The following TRIP11 variants were observed in gnomAD, a reference collection of about 807,000 sequenced individuals.
The protein encoded by TRIP11 is thyroid hormone receptor interactor 11.
A neutral mutation model predicts 223.1 loss-of-function variants in TRIP11; 148 were observed. That is an observed-to-expected ratio of 0.66 (90% confidence interval 0.58 to 0.76). The LOEUF is 0.76. Among genes scored for constraint, TRIP11 ranks in the 30% least tolerant of loss-of-function variants. TRIP11 has a pLI of 0.00. For synonymous variants in TRIP11, 762 were observed against 772.6 expected, an observed-to-expected ratio of 0.99 and a Z score of 0.23; for missense variants, 2,043 against 2,222.0, an observed-to-expected ratio of 0.92 and a Z score of 1.62.
rs768844578 is a variant in TRIP11, at chr14:91,974,600, T to A, written c.5574+27A>T. On this transcript the variant is annotated intron_variant, in intron 19 of 20. Coordinates refer to ENST00000267622, the MANE Select transcript of TRIP11 (RefSeq NM_004239.4). ...ATATACAGTCATTTTACTATTCACC[T>A]TAAGCAAGAATAAAATTGTTTCTTA... 3 of 1,543,022 alleles carry A rather than the reference T, an allele frequency of 1.9e-6. 1 individual carries two copies. In the South Asian group the frequency reaches 3.4e-5, roughly 17 times the overall value.
intron 2 of TRIP11, 145 bp downstream of exon 2, chr14:92,033,046 TA>T (rs2057285935): frequency 6.1e-6 from 4 of 650,870 alleles, no homozygotes; most frequent in African/African-American, 1.8e-5. Flanking sequence ...AGAAGGTTGA[TA>T]AAAGCTCAAA....
intron 17 of TRIP11, among the ~76,000 whole-genome samples, chr14:91,975,732 T>C (rs1244329073): frequency 6.6e-6 from 1 of 152,120 alleles, no homozygotes; most frequent in Non-Finnish European, 1.5e-5. Context: ...TGAGCTACTG[T>C]TGCATATATA....
intron 8 of TRIP11, among the ~76,000 whole-genome samples, 188 bp from the exon 9 acceptor site, chr14:92,011,260 G>A (rs890887975): frequency 2.0e-5 from 3 of 152,050 alleles, no homozygotes; most frequent in African/African-American, 7.2e-5. Flanking sequence ...GGGAGGCTGA[G>A]GCAGGCAGAT....
chr14:92,009,511 T>C (rs1421218253), intron 9 of TRIP11, among the ~76,000 whole-genome samples: 1 of 151,450 alleles, frequency 6.6e-6, no homozygotes, highest in African/African-American at 2.4e-5. Context: ...TTCTGCAAAC[T>C]ACAAACGACT....
chr14:92,004,128 T>C lies in TRIP11; in HGVS notation c.3848A>G (p.Asn1283Ser), dbSNP rs1399981995. Residue 1283 changes from asparagine to serine, a missense_variant, in exon 11 of 21, where the codon AAT becomes AGT. By Grantham distance (46) the Asn-to-Ser change is conservative. Transcript: ENST00000267622. ...AACTTGTGCTAATTCCTGCCCAAAA[T>C]TTTTGAGTTTGGTTTCATTCTGCTC... ...SYEQNETKLK[N>S]FGQELAQVQH... The C allele has an allele frequency of 6.2e-7, 1 of 1,614,176 alleles. No homozygotes were observed. Among genetic ancestry groups the C allele is most frequent in the Non-Finnish European group, 8.5e-7 (1 of 1,180,030 alleles).
rs1412079045 is a variant in TRIP11 at position 92,006,382 on chromosome 14, G to A, written c.1594C>T (p.Leu532=). 6.2e-7 allele frequency: 1 copy of A among 1,612,842 alleles called. No homozygotes were observed. Among genetic ancestry groups the A allele is most frequent in the Non-Finnish European group, 8.5e-7 (1 of 1,179,612 alleles). The change falls in exon 11 of 21, where the codon CTG becomes TTG. Residue 532 remains leucine, a synonymous_variant. Transcript: ENST00000267622. ...TTTTCATCATTTAGATCTTGTTTCA[G>A]TTTACTGATGATGCTATCTCCTTCA... ...QNEGDSIISK[L]KQDLNDEKKR...
In TRIP11 at chr14:91,967,134, G is replaced by GTTTTTTTTTTTTT. The variant is rs2056348888; in HGVS notation, c.*2538_*2539insAAAAAAAAAAAAA. ...CACAATGAAAACATTAGGTACTATAGCTTTTTTTTTTTTTTTTTTTTTTTT... is the reference window on the plus strand; with the variant it reads ...CACAATGAAAACATTAGGTACTATAGTTTTTTTTTTTTTCTTTTTTTTTTTTTTTTTTTTTTTT... On this transcript the variant is annotated 3_prime_UTR_variant, in exon 21 of 21. Transcript: ENST00000267622. The GTTTTTTTTTTTTT allele has an allele frequency of 1.8e-5, 2 of 113,822 alleles. No homozygotes were observed. The highest frequency in any genetic ancestry group is 8.3e-5 in the Admixed American group (1 of 12,042). The allele number at this position is 113,822 out of a possible 1,614,324, so 7.1% of individuals were successfully genotyped here. A position where few individuals can be genotyped will look rare whatever the true frequency, so the allele number is the denominator to read the frequency against.
chr14:91,996,201 G>C (rs530127954), intron 13 of TRIP11, among the ~76,000 whole-genome samples: 1 of 152,214 alleles, frequency 6.6e-6, no homozygotes, highest in Admixed American at 6.5e-5. Context: ...CTCTGTTAAT[G>C]TGATCTTTCC....
At chr14:92,026,645 C>A in intron 2 of TRIP11, 3 of 1,161,282 alleles carry the variant, frequency 2.6e-6, no homozygotes, top group Non-Finnish European at 3.9e-6. Context: ...GTGGAAGAGG[C>A]GGAAAATGGA....
chr14:92,010,897 T>C (rs530941834), intron 9 of TRIP11, 89 bp downstream of exon 9: 2 of 1,222,650 alleles, frequency 1.6e-6, no homozygotes, highest in Admixed American at 3.4e-5. Flanking sequence ...GCTCAATTAC[T>C]CAACATTCCA....
intron 4 of TRIP11, 59 bp from the exon 5 acceptor site, chr14:92,017,809 T>C: frequency 7.0e-7 from 1 of 1,429,184 alleles, no homozygotes; most frequent in Non-Finnish European, 9.8e-7. Flanking sequence ...CAACAGAAAG[T>C]CACAAACTAA....
chr14:92,028,487 A>C (rs2140143864), intron 2 of TRIP11, among the ~76,000 whole-genome samples: 1 of 152,286 alleles, frequency 6.6e-6, no homozygotes, highest in African/African-American at 2.4e-5. Context: ...TGAGAGGTCA[A>C]GGCTGCAGGG....
chr14:92,021,322 G>A (rs938653252), intron 4 of TRIP11, among the ~76,000 whole-genome samples: 3 of 150,670 alleles, frequency 2.0e-5, no homozygotes, highest in Admixed American at 6.6e-5. Flanking sequence ...CCAGGAGGCC[G>A]AGGCTGCAGT....
rs184006528 is a variant in TRIP11, at chr14:92,024,106, G to C, written c.312+1204C>G. On this transcript the variant is annotated intron_variant, in intron 3 of 20. Transcript: ENST00000267622. ...TTAAGTTGAACTTGAGGACAGGCAC[G>C]GTGGCTCACGCCTGTAATCCCAACA... Among the ~76,000 whole-genome samples the C allele has an allele frequency of 5.4e-3, 825 of 152,148 alleles. 8 individuals carry two copies. The highest frequency in any genetic ancestry group is 0.018 in the African/African-American group (768 of 41,522).
chr14:91,966,515 T>G lies in TRIP11; in HGVS notation c.*3158A>C, dbSNP rs1338233828. ...CATCACTCTACTGTCCCTGAAGACA[T>G]AGCTTTTCCCCCCATTGATTGGATA... is the stretch of plus-strand genomic sequence containing the variant. On this transcript the variant is annotated 3_prime_UTR_variant, in exon 21 of 21. Coordinates refer to ENST00000267622, the MANE Select transcript of TRIP11 (RefSeq NM_004239.4). 5.1e-6 allele frequency: 1 copy of G among 197,860 alleles called. No homozygotes were observed. Among genetic ancestry groups the G allele is most frequent in the East Asian group, 7.9e-5 (1 of 12,642 alleles). 12.3% of individuals were successfully genotyped at this position (197,860 alleles called of 1,614,324 possible).
chr14:91,997,449 T>A (rs2056765262), intron 13 of TRIP11, among the ~76,000 whole-genome samples: 2 of 151,990 alleles, frequency 1.3e-5, no homozygotes, highest in South Asian at 2.1e-4. Flanking sequence ...ATAAGTGCCC[T>A]CAAACTATAA....
chr14:92,039,790 A>T lies in TRIP11; in HGVS notation c.-105T>A. On this transcript the variant is annotated 5_prime_UTR_variant, in exon 1 of 21. Coordinates refer to ENST00000267622, the MANE Select transcript of TRIP11 (RefSeq NM_004239.4). ...CCTTGAACGCCTGCCTTCGCGAGAC[A>T]GGATACGATAACACAAAGCTGGGTT... 1 of 1,549,218 alleles carries T rather than the reference A, an allele frequency of 6.5e-7. No individual in the cohort carries two copies. Among genetic ancestry groups the T allele is most frequent in the Non-Finnish European group, 8.7e-7 (1 of 1,146,554 alleles).
At chr14:91,999,526 A>T (rs1237680468) in intron 12 of TRIP11, 93 bp from the exon 13 acceptor site, 1 of 1,331,774 alleles carries the variant, frequency 7.5e-7, no homozygotes, top group Non-Finnish European at 1.0e-6. Context: ...ATTATTGAAG[A>T]TATTAATTGT....
chr14:92,017,880 C>T (rs1414126962), intron 4 of TRIP11, 130 bp from the exon 5 acceptor site: 3 of 737,338 alleles, frequency 4.1e-6, no homozygotes, highest in African/African-American at 3.5e-5. Context: ...CTAAAGAATG[C>T]CATGGACCTT....
Sources: gnomAD v4.1 joint callset for allele counts (sites outside exome capture counted in the v4.1 genomes callset) on GRCh38, gnomAD v4.1.1 for gene constraint, MANE v1.5 for transcripts, NCBI Gene and HGNC (gene_info 2026-07-23, HGNC 2026-07-21) for gene names.